RETREG1: variants seen among roughly 807,000 people sequenced by gnomAD.
The protein encoded by RETREG1 is reticulophagy regulator 1.
RETREG1 carries 44 observed loss-of-function variants against 54.8 expected under a neutral mutation model. The ratio of observed to expected loss-of-function variants is 0.80; its 90% CI spans 0.63 to 1.03. RETREG1 has a LOEUF of 1.03. RETREG1 is among the 50% of genes least tolerant of loss of function. RETREG1 has a pLI of 0.00. For missense variants in RETREG1, 554 were observed against 605.1 expected, an observed-to-expected ratio of 0.92 and a Z score of 0.89; for synonymous variants, 217 against 238.5, an observed-to-expected ratio of 0.91 and a Z score of 0.83.
intron 3 of RETREG1, among the ~76,000 whole-genome samples, chr5:16,557,266 G>T (rs1471257015): frequency 6.6e-6 from 1 of 152,150 alleles, no homozygotes; most frequent in Non-Finnish European, 1.5e-5. Context: ...AGAAAAGAGT[G>T]GCCCTTAATT....
At chr5:16,590,837 AAC>A (rs1340868392) in intron 1 of RETREG1, among the ~76,000 whole-genome samples, 1 of 115,464 alleles carries the variant, frequency 8.7e-6, no homozygotes, top group Non-Finnish European at 1.9e-5. Flanking sequence ...CACACATGCA[AAC>A]ACACATGCAC....
chr5:16,501,566 A>G (rs35379096), intron 3 of RETREG1, among the ~76,000 whole-genome samples: 36,217 of 151,942 alleles, frequency 0.24, 4,711 homozygotes, highest in Middle Eastern at 0.33. Flanking sequence ...TTTTTGACAC[A>G]AAGTTGCTCT....
At chr5:16,571,719 A>G (rs1481952077) in intron 2 of RETREG1, among the ~76,000 whole-genome samples, 1 of 152,188 alleles carries the variant, frequency 6.6e-6, no homozygotes, top group African/African-American at 2.4e-5. Flanking sequence ...ATAAATATTT[A>G]ACTGTTATCC....
rs192296424 is a variant in RETREG1 at position 16,569,122 on chromosome 5, C to T, written c.427+2874G>A. 2.6e-4 allele frequency among the ~76,000 whole-genome samples: 40 copies of T among 152,180 alleles called. 1 individual carries two copies. In the South Asian group the frequency reaches 7.7e-3, roughly 29 times the overall value. ...GATTCATCGCAGCAGCAGCACCCTG[C>T]GCTAGGAGGCCTGCGAGATGGGACT... On this transcript the variant is annotated intron_variant, in intron 2 of 8. Coordinates refer to ENST00000306320, the MANE Select transcript of RETREG1 (RefSeq NM_001034850.3).
intron 3 of RETREG1, among the ~76,000 whole-genome samples, chr5:16,548,559 T>C (rs931079917): frequency 5.3e-5 from 8 of 152,282 alleles, no homozygotes; most frequent in Middle Eastern, 3.4e-3. Context: ...AACCTAGCCA[T>C]ACCTGGCCAT....
At chr5:16,531,180 A>G (rs73045912) in intron 3 of RETREG1, among the ~76,000 whole-genome samples, 2,735 of 152,312 alleles carry the variant, frequency 0.018, 69 homozygotes, top group African/African-American at 0.061. Context: ...ATAATGTCTT[A>G]AAGAAAGTAT....
At chr5:16,573,934 A>T (rs1561125775) in intron 1 of RETREG1, among the ~76,000 whole-genome samples, 1 of 152,048 alleles carries the variant, frequency 6.6e-6, no homozygotes, top group Non-Finnish European at 1.5e-5. Context: ...TTTAGTACAG[A>T]CAGGGTTTCA....
chr5:16,530,730 G>C (rs554142385), intron 3 of RETREG1, among the ~76,000 whole-genome samples: 2 of 152,142 alleles, frequency 1.3e-5, no homozygotes, highest in African/African-American at 4.8e-5. Flanking sequence ...AAAATTAGCT[G>C]GGTGTGGAGG....
At chr5:16,512,469 A>G (rs1037267246) in intron 3 of RETREG1, among the ~76,000 whole-genome samples, 12 of 152,116 alleles carry the variant, frequency 7.9e-5, no homozygotes, top group African/African-American at 2.9e-4. Context: ...GGACATTTTT[A>G]TTCTCCTTTG....
At chr5:16,600,445 G>A (rs1743022107) in intron 1 of RETREG1, among the ~76,000 whole-genome samples, 1 of 152,226 alleles carries the variant, frequency 6.6e-6, no homozygotes, top group African/African-American at 2.4e-5. Context: ...AGACCCCGGG[G>A]GTAACAGGAC....
intron 3 of RETREG1, among the ~76,000 whole-genome samples, chr5:16,535,492 C>T (rs1254491424): frequency 1.3e-5 from 2 of 151,956 alleles, no homozygotes; most frequent in South Asian, 2.1e-4. Flanking sequence ...CCTGCATGCA[C>T]GCTGCCTTCA....
At chr5:16,502,091 G>C (rs541401647) in intron 3 of RETREG1, among the ~76,000 whole-genome samples, 33 of 151,930 alleles carry the variant, frequency 2.2e-4, no homozygotes, top group Non-Finnish European at 8.8e-5. Flanking sequence ...CAAGTAGCTG[G>C]GACTACAGGC....
chr5:16,522,341 T>C (rs1189063063), intron 3 of RETREG1, among the ~76,000 whole-genome samples: 2 of 152,326 alleles, frequency 1.3e-5, no homozygotes, highest in East Asian at 3.9e-4. Context: ...AGATAAACTA[T>C]GTGTTTGAGA....
At chr5:16,598,296 A>G (rs1190851415) in intron 1 of RETREG1, among the ~76,000 whole-genome samples, 2 of 152,184 alleles carry the variant, frequency 1.3e-5, no homozygotes, top group Non-Finnish European at 2.9e-5. Context: ...TACCGCTAGC[A>G]TGGCACTTAA....
At chr5:16,581,526 AACACACACACACACAC>A (rs3993834) in intron 1 of RETREG1, among the ~76,000 whole-genome samples, 204 of 143,728 alleles carry the variant, frequency 1.4e-3, no homozygotes, top group Non-Finnish European at 2.4e-3. Flanking sequence ...TCAGAAACAC[AACACACACACACACAC>A]ACACACACAC....
chr5:16,524,782 G>A (rs1032415386), intron 3 of RETREG1, among the ~76,000 whole-genome samples: 1 of 152,246 alleles, frequency 6.6e-6, no homozygotes, highest in African/African-American at 2.4e-5. Flanking sequence ...TAAGTGAAGA[G>A]GAAGGGACGT....
At chr5:16,505,880 C>T (rs1206741071) in intron 3 of RETREG1, among the ~76,000 whole-genome samples, 1 of 152,218 alleles carries the variant, frequency 6.6e-6, no homozygotes, top group African/African-American at 2.4e-5. Context: ...GTTTGGGCTT[C>T]TGCCTTCCTC....
chr5:16,584,805 C>T (rs1742582858), intron 1 of RETREG1, among the ~76,000 whole-genome samples: 1 of 152,174 alleles, frequency 6.6e-6, no homozygotes, highest in Non-Finnish European at 1.5e-5. Flanking sequence ...ATATGTATCC[C>T]ATTTTCAGAG....
intron 3 of RETREG1, among the ~76,000 whole-genome samples, chr5:16,535,769 G>A (rs373233827): frequency 6.3e-3 from 627 of 100,248 alleles, no homozygotes; most frequent in Non-Finnish European, 9.6e-3. Flanking sequence ...GTTCCTGTGT[G>A]CACGCTGCCT....
Sources: allele counts gnomAD v4.1 joint callset (sites outside exome capture counted in the v4.1 genomes callset), GRCh38; gene constraint gnomAD v4.1.1; transcripts MANE v1.5; gene names NCBI Gene and HGNC (gene_info 2026-07-23, HGNC 2026-07-21).